The following VWC2L variants were observed in gnomAD, a reference collection of about 807,000 sequenced individuals.
The protein encoded by VWC2L is von Willebrand factor C domain containing 2 like.
In VWC2L, 10 loss-of-function variants were observed where a neutral mutation model predicts 21.6. The observed-to-expected ratio is 0.46, with a 90% CI of 0.29 to 0.78. VWC2L has a LOEUF of 0.78. Among genes scored for constraint, VWC2L ranks in the 30% least tolerant of loss-of-function variants. The probability of loss-of-function intolerance (pLI) is 0.10; values close to 1 mark genes in which losing one functional copy is unlikely to be tolerated. For missense variants in VWC2L, 209 were observed against 277.1 expected, an observed-to-expected ratio of 0.75 and a Z score of 1.74; for synonymous variants, 96 against 94.3, an observed-to-expected ratio of 1.02 and a Z score of -0.10.
intron 2 of VWC2L, among the ~76,000 whole-genome samples, chr2:214,421,135 A>G (rs1301271197): frequency 6.6e-6 from 1 of 152,210 alleles, no homozygotes. Context: ...TTCACTGCAC[A>G]CTTTTTGCAC....
At position 214,414,296 on chromosome 2, in the gene VWC2L, G is replaced by C. The variant is rs1386356051; in HGVS notation, c.103G>C (p.Asp35His). 6.2e-7 allele frequency: 1 copy of C among 1,613,846 alleles called. No homozygotes were observed. The highest frequency in any genetic ancestry group is 2.2e-5 in the East Asian group (1 of 44,872). Residue 35 changes from aspartate to histidine, a missense_variant, in exon 2 of 4, where the codon GAC becomes CAC. By Grantham distance (81) the Asp-to-His change is moderately conservative. Transcript: ENST00000312504. ...SHEDYPADEGDQISSNDNLIF... is the reference protein window; with the variant it reads ...SHEDYPADEGHQISSNDNLIF... ...TGAAGACTATCCTGCTGATGAAGGT[G>C]ACCAGATCTCCAGTAATGACAATCT...
At chr2:214,441,566 A>C (rs1030009422) in intron 3 of VWC2L, among the ~76,000 whole-genome samples, 2 of 152,074 alleles carry the variant, frequency 1.3e-5, no homozygotes, top group African/African-American at 4.8e-5. Flanking sequence ...AAACTTTTTA[A>C]AAGACACTTT....
chr2:214,485,280 C>T (rs2126198622), intron 3 of VWC2L, among the ~76,000 whole-genome samples: 1 of 151,902 alleles, frequency 6.6e-6, no homozygotes, highest in East Asian at 1.9e-4. Context: ...GTATTCCAGC[C>T]TAGGTGACAG....
chr2:214,475,145 T>C (rs2126194625), intron 3 of VWC2L, among the ~76,000 whole-genome samples: 1 of 152,278 alleles, frequency 6.6e-6, no homozygotes, highest in Non-Finnish European at 1.5e-5. Flanking sequence ...GTAAAAGAAA[T>C]TCTTTGTTGT....
At chr2:214,469,071 TTTG>T (rs1010132910) in intron 3 of VWC2L, among the ~76,000 whole-genome samples, 3 of 117,718 alleles carry the variant, frequency 2.5e-5, no homozygotes, top group South Asian at 3.2e-4. Context: ...TTAAAACTTC[TTTG>T]TTATCAAAAA....
chr2:214,480,688 G>A (rs1466744190), intron 3 of VWC2L, among the ~76,000 whole-genome samples: 1 of 151,850 alleles, frequency 6.6e-6, no homozygotes. Context: ...TGGAACATGA[G>A]TTATTACATC....
chr2:214,492,298 A>C (rs1157410564), intron 3 of VWC2L, among the ~76,000 whole-genome samples: 1 of 152,166 alleles, frequency 6.6e-6, no homozygotes, highest in Non-Finnish European at 1.5e-5. Flanking sequence ...GATGCACCGC[A>C]CTCAGAGTGT....
chr2:214,466,143 T>TAGC (rs1325259323), intron 3 of VWC2L, among the ~76,000 whole-genome samples: 1 of 135,552 alleles, frequency 7.4e-6, no homozygotes, highest in African/African-American at 3.1e-5. Flanking sequence ...TTTTGTGTAG[T>TAGC]TGTTCATTTT....
chr2:214,474,459 T>C (rs1400574100), intron 3 of VWC2L, among the ~76,000 whole-genome samples: 1 of 152,188 alleles, frequency 6.6e-6, no homozygotes, highest in Non-Finnish European at 1.5e-5. Flanking sequence ...TGTGCAAGTA[T>C]TTTGTCCAAT....
chr2:214,529,351 AG>A (rs1689395943), intron 3 of VWC2L, among the ~76,000 whole-genome samples: 1 of 152,158 alleles, frequency 6.6e-6, no homozygotes, highest in Non-Finnish European at 1.5e-5. Context: ...CTCCAGGGCA[AG>A]GGGCTCCTAG....
intron 3 of VWC2L, among the ~76,000 whole-genome samples, chr2:214,567,873 C>T (rs1424963540): frequency 6.6e-6 from 1 of 152,010 alleles, no homozygotes; most frequent in African/African-American, 2.4e-5. Context: ...GAAAATAAGG[C>T]CATGTATAAA....
chr2:214,476,608 G>A (rs1300463224), intron 3 of VWC2L, among the ~76,000 whole-genome samples: 1 of 152,144 alleles, frequency 6.6e-6, no homozygotes, highest in Non-Finnish European at 1.5e-5. Flanking sequence ...TATGACAGCA[G>A]GTGCTGAATA....
intron 3 of VWC2L, among the ~76,000 whole-genome samples, chr2:214,518,828 T>C (rs1311203845): frequency 6.6e-6 from 1 of 152,230 alleles, no homozygotes; most frequent in Admixed American, 6.5e-5. Flanking sequence ...TCACTTTTAA[T>C]TTATAAATTG....
At chr2:214,505,977 G>C (rs769991123) in intron 3 of VWC2L, among the ~76,000 whole-genome samples, 8 of 152,094 alleles carry the variant, frequency 5.3e-5, no homozygotes, top group Non-Finnish European at 8.8e-5. Context: ...CTGGGAAGAT[G>C]ATTCGCTTAT....
chr2:214,537,670 A>G (rs1387037537), intron 3 of VWC2L, among the ~76,000 whole-genome samples: 2 of 152,094 alleles, frequency 1.3e-5, no homozygotes, highest in Non-Finnish European at 2.9e-5. Flanking sequence ...CTCATTCCAC[A>G]TTGTATACAT....
At chr2:214,489,865 C>T (rs1688721748) in intron 3 of VWC2L, among the ~76,000 whole-genome samples, 1 of 152,164 alleles carries the variant, frequency 6.6e-6, no homozygotes, top group Non-Finnish European at 1.5e-5. Flanking sequence ...GTCACCTTGG[C>T]CGTGTCCAGC....
intron 3 of VWC2L, among the ~76,000 whole-genome samples, chr2:214,511,858 C>T (rs1054603668): frequency 2.0e-5 from 2 of 98,786 alleles, no homozygotes; most frequent in African/African-American, 5.8e-5. Context: ...TATATATATA[C>T]TCTATATATA....
chr2:214,500,038 T>TA (rs1332210399), intron 3 of VWC2L, among the ~76,000 whole-genome samples: 1 of 152,226 alleles, frequency 6.6e-6, no homozygotes, highest in African/African-American at 2.4e-5. Flanking sequence ...ATGTGACTTT[T>TA]GAATATTCAT....
intron 3 of VWC2L, among the ~76,000 whole-genome samples, chr2:214,469,237 G>C (rs1259823403): frequency 6.6e-6 from 1 of 152,116 alleles, no homozygotes; most frequent in African/African-American, 2.4e-5. Flanking sequence ...TGTAATCCAT[G>C]CAATTAATGA....
Sources: allele counts gnomAD v4.1 joint callset (sites outside exome capture counted in the v4.1 genomes callset), GRCh38; gene constraint gnomAD v4.1.1; transcripts MANE v1.5; gene names NCBI Gene and HGNC (gene_info 2026-07-23, HGNC 2026-07-21).